Variants in ARID5B observed in about 807,000 individuals in gnomAD.
ARID5B encodes AT-rich interaction domain 5B.
ARID5B carries 13 observed loss-of-function variants against 97.2 expected under a neutral mutation model. The ratio of observed to expected loss-of-function variants is 0.13; its 90% CI spans 0.09 to 0.21. ARID5B has a LOEUF of 0.21. Ranked by LOEUF, ARID5B falls within the 10% of genes least tolerant of loss-of-function variation. The pLI, the probability that ARID5B is intolerant of heterozygous loss-of-function variation, is 1.00. For missense variants in ARID5B, 1,210 were observed against 1,465.3 expected (o/e 0.83, Z 2.84); for synonymous variants, 556 against 570.3 (o/e 0.97, Z 0.36).
chr10:62,009,258 T>G (rs1486945962), intron 4 of ARID5B, among the ~76,000 whole-genome samples: 1 of 152,174 alleles, frequency 6.6e-6, no homozygotes, highest in East Asian at 1.9e-4. Flanking sequence ...GCTCTCCAGG[T>G]GCCATCTTGG....
intron 3 of ARID5B, among the ~76,000 whole-genome samples, chr10:61,991,552 TTTATGTATTCTAG>T (rs1246794154): frequency 6.6e-6 from 1 of 152,214 alleles, no homozygotes; most frequent in African/African-American, 2.4e-5. Context: ...GCAGGAGTTC[TTTATGTATTCTAG>T]TTATTAATCC....
chr10:61,960,865 A>G (rs1190541990), intron 3 of ARID5B, among the ~76,000 whole-genome samples: 1 of 152,264 alleles, frequency 6.6e-6, no homozygotes, highest in Non-Finnish European at 1.5e-5. Context: ...AAAGTCTGGC[A>G]GACATAGACT....
At chr10:62,075,916 T>C (rs192386599) in intron 8 of ARID5B, among the ~76,000 whole-genome samples, 1 of 151,852 alleles carries the variant, frequency 6.6e-6, no homozygotes, top group East Asian at 1.9e-4. Context: ...TTTTATTTAC[T>C]GCTGCCCTCA....
chr10:62,034,336 A>G (rs1839534480), intron 4 of ARID5B, among the ~76,000 whole-genome samples: 1 of 152,224 alleles, frequency 6.6e-6, no homozygotes, highest in South Asian at 2.1e-4. Context: ...GCTGTTTGTT[A>G]ATGTTTCCTT....
At chr10:61,924,787 G>T (rs904738132) in intron 2 of ARID5B, among the ~76,000 whole-genome samples, 4 of 152,164 alleles carry the variant, frequency 2.6e-5, no homozygotes, top group African/African-American at 9.7e-5. Flanking sequence ...TGACCAGTAA[G>T]CTTTAATAAT....
At chr10:62,036,060 G>A (rs1839559777) in intron 4 of ARID5B, among the ~76,000 whole-genome samples, 1 of 152,086 alleles carries the variant, frequency 6.6e-6, no homozygotes, top group South Asian at 2.1e-4. Context: ...CCTGACCTGA[G>A]GTGATCCACC....
At chr10:61,910,383 C>T (rs1267203059) in intron 2 of ARID5B, among the ~76,000 whole-genome samples, 2 of 152,178 alleles carry the variant, frequency 1.3e-5, no homozygotes, top group Admixed American at 1.3e-4. Flanking sequence ...CCATCTTCTA[C>T]TCAGAATAAT....
chr10:61,938,964 AGTGTGTGTGTGTGT>A (rs60329829), intron 2 of ARID5B, among the ~76,000 whole-genome samples: 14 of 125,196 alleles, frequency 1.1e-4, no homozygotes, highest in East Asian at 4.7e-4. Context: ...GAATTGGAGA[AGTGTGTGTGTGTGT>A]GTGTGTGTGT....
chr10:61,966,008 T>C (rs371363829), intron 3 of ARID5B, among the ~76,000 whole-genome samples: 1 of 152,208 alleles, frequency 6.6e-6, no homozygotes, highest in Non-Finnish European at 1.5e-5. Context: ...CCTTTTAAAA[T>C]GTTTTTCCCC....
intron 3 of ARID5B, among the ~76,000 whole-genome samples, chr10:61,990,664 T>C (rs1171458127): frequency 6.6e-6 from 1 of 152,142 alleles, no homozygotes; most frequent in Non-Finnish European, 1.5e-5. Flanking sequence ...AGACACCACT[T>C]TTCCTCCCCA....
chr10:61,935,337 A>T (rs968973481), intron 2 of ARID5B, among the ~76,000 whole-genome samples: 1 of 152,134 alleles, frequency 6.6e-6, no homozygotes, highest in African/African-American at 2.4e-5. Flanking sequence ...TGGATAAACA[A>T]ACTTTGGGAC....
At chr10:62,037,235 A>G (rs1839577276) in intron 4 of ARID5B, among the ~76,000 whole-genome samples, 2 of 152,208 alleles carry the variant, frequency 1.3e-5, no homozygotes, top group Non-Finnish European at 2.9e-5. Context: ...TTATGTTTCC[A>G]GGCCCTCCCC....
At chr10:61,978,202 C>T (rs562985105) in intron 3 of ARID5B, among the ~76,000 whole-genome samples, 7 of 152,236 alleles carry the variant, frequency 4.6e-5, no homozygotes, top group East Asian at 1.9e-4. Context: ...GGGCTCTGTT[C>T]GGTTCCATTG....
At chr10:62,039,168 G>T (rs1269075177) in intron 4 of ARID5B, among the ~76,000 whole-genome samples, 1 of 152,168 alleles carries the variant, frequency 6.6e-6, no homozygotes, top group African/African-American at 2.4e-5. Flanking sequence ...GAGTTTGGAG[G>T]ACAAAGACAA....
chr10:62,092,336 C>T lies in ARID5B; in HGVS notation c.2873C>T (p.Ser958Leu). ...RDCHPKACRVSPMTMSGPKKY... is the reference protein window; with the variant it reads ...RDCHPKACRVLPMTMSGPKKY... ...TGTCACCCCAAAGCCTGTCGGGTATCACCCATGACCATGTCAGGCCCTAAA... is the reference window on the plus strand; with the variant it reads ...TGTCACCCCAAAGCCTGTCGGGTATTACCCATGACCATGTCAGGCCCTAAA... The change falls in exon 10 of 10, where the codon TCA becomes TTA. Residue 958 changes from serine (S) to leucine (L), a missense_variant. Ser to Leu is a moderately radical substitution (Grantham distance 145). Coordinates refer to ENST00000279873, the MANE Select transcript of ARID5B (RefSeq NM_032199.3). 6.2e-7 allele frequency: 1 copy of T among 1,613,470 alleles called. No homozygotes were observed. Among genetic ancestry groups the T allele is most frequent in the African/African-American group, 1.3e-5 (1 of 75,010 alleles).
At chr10:61,984,335 G>T (rs1838817858) in intron 3 of ARID5B, among the ~76,000 whole-genome samples, 1 of 152,238 alleles carries the variant, frequency 6.6e-6, no homozygotes, top group Non-Finnish European at 1.5e-5. Context: ...CACAGCATTT[G>T]GCACTGAGTA....
At chr10:61,981,949 C>T (rs1441708892) in intron 3 of ARID5B, among the ~76,000 whole-genome samples, 1 of 152,228 alleles carries the variant, frequency 6.6e-6, no homozygotes. Context: ...CAGGGTTTCA[C>T]TACCTGCCTT....
At chr10:61,983,127 T>G (rs539586688) in intron 3 of ARID5B, among the ~76,000 whole-genome samples, 1 of 152,264 alleles carries the variant, frequency 6.6e-6, no homozygotes, top group South Asian at 2.1e-4. Flanking sequence ...AGTTTCAAAA[T>G]TTGTTACTGG....
Position 62,085,898 on chromosome 10 carries a change from G to C in ARID5B, c.1396G>C (p.Glu466Gln). The C allele has an allele frequency of 6.2e-7, 1 of 1,609,938 alleles. No homozygotes were observed. Among genetic ancestry groups the C allele is most frequent in the East Asian group, 2.2e-5 (1 of 44,872 alleles). ...ENAPKPQDAA[E>Q]VSSEQEKEQE... is the part of the protein sequence containing the mutation. ...TGCCCCAAAGCCCCAGGATGCAGCA[G>C]AGGTGAGTTGCTTTGCTCCATAGAA... is the stretch of plus-strand genomic sequence containing the variant. The change falls in exon 9 of 10, where the codon GAG (glutamate) becomes CAG (glutamine). Residue 466 changes from glutamate (E) to glutamine (Q), a missense_variant and splice_region_variant. Physicochemically the swap from Glu to Gln is conservative, Grantham distance 29. This residue lies in a region of ARID5B where 800 missense variants were observed against 839.1 expected (regional missense o/e 0.95). Coordinates refer to ENST00000279873, the MANE Select transcript of ARID5B (RefSeq NM_032199.3).
Sources: allele counts gnomAD v4.1 joint callset (sites outside exome capture counted in the v4.1 genomes callset), GRCh38; gene constraint gnomAD v4.1.1; regional missense constraint gnomAD v4.1.1; transcripts MANE v1.5; gene names NCBI Gene and HGNC (gene_info 2026-07-23, HGNC 2026-07-21).